The following OCA2 variants were observed in gnomAD, a reference collection of about 807,000 sequenced individuals.
OCA2 encodes OCA2 melanosomal transmembrane protein.
Under a neutral mutation model 100.2 loss-of-function variants are expected in OCA2, and 77 were observed. The ratio of observed to expected loss-of-function variants is 0.77; its 90% CI spans 0.64 to 0.93. OCA2 has a LOEUF of 0.93. Ranked by LOEUF, OCA2 falls within the 40% of genes least tolerant of loss-of-function variation. The pLI is 0.00. For missense variants in OCA2, 1,062 were observed against 1,089.1 expected, an observed-to-expected ratio of 0.98 and a Z score of 0.35; for synonymous variants, 432 against 439.2, an observed-to-expected ratio of 0.98 and a Z score of 0.21.
chr15:27,900,438 G>A (rs956526953), intron 19 of OCA2, among the ~76,000 whole-genome samples: 1 of 152,132 alleles, frequency 6.6e-6, no homozygotes, highest in Non-Finnish European at 1.5e-5. Flanking sequence ...GGCCCGTCCT[G>A]AATTTCTCTC....
chr15:27,836,416 T>TTTCC (rs1567007675), intron 23 of OCA2, among the ~76,000 whole-genome samples: 4 of 152,300 alleles, frequency 2.6e-5, no homozygotes, highest in Middle Eastern at 3.4e-3. Flanking sequence ...CTTTCTTCTC[T>TTTCC]TTCCTTCCTT....
intron 1 of OCA2, among the ~76,000 whole-genome samples, chr15:28,090,960 G>A (rs912671365): frequency 4.6e-5 from 7 of 151,446 alleles, no homozygotes; most frequent in African/African-American, 1.7e-4. Flanking sequence ...GACTGGCAAA[G>A]AAAAAAAACA....
intron 21 of OCA2, among the ~76,000 whole-genome samples, chr15:27,861,536 C>A (rs4778124): frequency 6.6e-6 from 1 of 151,378 alleles, no homozygotes; most frequent in Non-Finnish European, 1.5e-5. Context: ...TGGAAGGAGG[C>A]GAGGAGAAGG....
chr15:27,953,418 G>A (rs578083612), intron 17 of OCA2, among the ~76,000 whole-genome samples: 75 of 152,224 alleles, frequency 4.9e-4, no homozygotes, highest in African/African-American at 1.4e-3. Context: ...CTTCCCTGTC[G>A]CCTCTCTGGG....
chr15:27,972,698 TTA>T (rs1337293950), intron 14 of OCA2, among the ~76,000 whole-genome samples: 16 of 151,784 alleles, frequency 1.1e-4, no homozygotes, highest in African/African-American at 3.9e-4. Context: ...TTTATTGGGA[TTA>T]TTTTTTTTTT....
At chr15:28,016,068 G>A (rs937926845) in intron 8 of OCA2, 36 bp downstream of exon 8, 2 of 1,554,234 alleles carry the variant, frequency 1.3e-6, no homozygotes, top group African/African-American at 2.7e-5. Context: ...GTGTCCCAGA[G>A]AGCCTGCCCC....
chr15:27,828,127 G>A (rs1014074071), intron 23 of OCA2, among the ~76,000 whole-genome samples: 2 of 152,110 alleles, frequency 1.3e-5, no homozygotes, highest in African/African-American at 2.4e-5. Context: ...CTGCATTGGC[G>A]CCAGGGCCCT....
chr15:27,808,723 G>C (rs1444754025), intron 23 of OCA2, among the ~76,000 whole-genome samples: 4 of 152,190 alleles, frequency 2.6e-5, no homozygotes, highest in Non-Finnish European at 5.9e-5. Context: ...GGGAGCCGGG[G>C]TCTGAGAAAT....
chr15:27,916,199 G>A (rs1162614347), intron 19 of OCA2, among the ~76,000 whole-genome samples: 1 of 152,108 alleles, frequency 6.6e-6, no homozygotes, highest in Non-Finnish European at 1.5e-5. Flanking sequence ...ACTTGAGGGT[G>A]GAAGGTGGGA....
intron 19 of OCA2, among the ~76,000 whole-genome samples, chr15:27,914,926 A>G (rs1383090323): frequency 6.6e-6 from 1 of 152,194 alleles, no homozygotes; most frequent in Non-Finnish European, 1.5e-5. Context: ...AGCAAAAAGA[A>G]CAAAGCTGGA....
At chr15:27,946,018 T>C (rs2039820428) in intron 18 of OCA2, among the ~76,000 whole-genome samples, 1 of 152,236 alleles carries the variant, frequency 6.6e-6, no homozygotes. Context: ...TGAATAGGAA[T>C]GAGGTTGTTT....
At chr15:27,722,837 T>A in the OCA2 span, among the ~76,000 whole-genome samples, 1 of 150,662 alleles carries the variant, frequency 6.6e-6, no homozygotes, top group Admixed American at 6.6e-5. Flanking sequence ...TCTCTTTCTC[T>A]CTTTCTCTCT....
At chr15:27,958,499 G>A (rs1330716845) in intron 15 of OCA2, among the ~76,000 whole-genome samples, 1 of 152,134 alleles carries the variant, frequency 6.6e-6, no homozygotes, top group African/African-American at 2.4e-5. Flanking sequence ...CTCCAACCAG[G>A]CGCCACTGAG....
At chr15:28,054,940 A>G (rs777462315) in intron 2 of OCA2, among the ~76,000 whole-genome samples, 1 of 152,220 alleles carries the variant, frequency 6.6e-6, no homozygotes, top group Non-Finnish European at 1.5e-5. Context: ...TTATAAAACC[A>G]TCAGCTCTTG....
chr15:27,785,846 T>C (rs1401272152), intron 23 of OCA2, among the ~76,000 whole-genome samples: 1 of 152,154 alleles, frequency 6.6e-6, no homozygotes, highest in Non-Finnish European at 1.5e-5. Flanking sequence ...AACTCAAGTG[T>C]CCATTGATGA....
At chr15:27,992,104 G>A (rs907748839) in intron 9 of OCA2, among the ~76,000 whole-genome samples, 2 of 100,576 alleles carry the variant, frequency 2.0e-5, no homozygotes, top group African/African-American at 2.7e-5. Flanking sequence ...AGTTTAGGAC[G>A]CTTTTTTTTT....
At chr15:27,946,594 T>G (rs1050595265) in intron 18 of OCA2, among the ~76,000 whole-genome samples, 3 of 152,218 alleles carry the variant, frequency 2.0e-5, no homozygotes, top group African/African-American at 7.2e-5. Flanking sequence ...TCTGCTGTGA[T>G]TCTGGGGGCT....
At chr15:27,993,648 G>A (rs1249602427) in intron 9 of OCA2, among the ~76,000 whole-genome samples, 1 of 152,172 alleles carries the variant, frequency 6.6e-6, no homozygotes, top group African/African-American at 2.4e-5. Flanking sequence ...AGTTTGCTCC[G>A]CCCACTGCCA....
At position 27,770,863 on chromosome 15, in the gene OCA2, TTCCTTCCC is replaced by T. The variant is rs1566949149; in HGVS notation, c.2433-15399_2433-15392del. The stretch of plus-strand genomic sequence containing the variant: ...CTCTTTTCCTTCCTTCCTTTCTTCC[TTCCTTCCC>T]TCCTTCCTTTGCTCCTTCCCATCTC... On this transcript the variant is annotated intron_variant, in intron 23 of 23. Transcript: ENST00000354638. Among the ~76,000 whole-genome samples the T allele has an allele frequency of 9.4e-4, 87 of 92,214 alleles. 1 individual carries two copies. The highest frequency in any genetic ancestry group is 3.6e-3 in the African/African-American group (84 of 23,576). 60.5% of individuals were successfully genotyped at this position (92,214 alleles called of 152,430 possible).
Sources: gnomAD v4.1 joint callset for allele counts (sites outside exome capture counted in the v4.1 genomes callset) on GRCh38, gnomAD v4.1.1 for gene constraint, MANE v1.5 for transcripts, NCBI Gene and HGNC (gene_info 2026-07-23, HGNC 2026-07-21) for gene names.